Variants in GTF2IRD1 observed in about 807,000 individuals in gnomAD.
GTF2IRD1 encodes GTF2I repeat domain containing 1.
A neutral mutation model predicts 113.2 loss-of-function variants in GTF2IRD1; 26 were observed. That is an observed-to-expected ratio of 0.23 (90% CI 0.17 to 0.32). The LOEUF (loss-of-function observed/expected upper bound fraction) is 0.32, where lower values mean the gene tolerates loss of function less well. GTF2IRD1 is among the 10% of genes least tolerant of loss of function. GTF2IRD1 has a pLI of 1.00. For synonymous variants in GTF2IRD1, 484 were observed against 529.1 expected (o/e 0.91, Z 1.17); for missense variants, 864 against 1,280.8 (o/e 0.67, Z 4.97).
At chr7:74,544,907 C>T in intron 15 of GTF2IRD1, 105 bp downstream of exon 15, 2 of 826,236 alleles carry the variant, frequency 2.4e-6, no homozygotes, top group South Asian at 1.6e-5. Flanking sequence ...TTCTCTCCAC[C>T]TCATCTCTCT....
chr7:74,539,764 A>G (rs1313350667), intron 13 of GTF2IRD1, 115 bp from the exon 14 acceptor site: 4 of 643,978 alleles, frequency 6.2e-6, no homozygotes, highest in African/African-American at 1.9e-5. Flanking sequence ...AAAAAAAGAG[A>G]CAGAAAGAAA....
intron 22 of GTF2IRD1, among the ~76,000 whole-genome samples, chr7:74,575,930 G>T (rs1450966500): frequency 6.6e-6 from 1 of 151,868 alleles, no homozygotes; most frequent in East Asian, 1.9e-4. Flanking sequence ...CACTCTGGAA[G>T]GCTGAGACAG....
At chr7:74,514,317 C>G (rs928157153) in intron 3 of GTF2IRD1, among the ~76,000 whole-genome samples, 11 of 152,260 alleles carry the variant, frequency 7.2e-5, no homozygotes, top group East Asian at 3.9e-4. Flanking sequence ...CCCCCACCCC[C>G]CTCAGCCCTC....
At chr7:74,584,537 G>A (rs1801607637) in intron 22 of GTF2IRD1, among the ~76,000 whole-genome samples, 1 of 152,304 alleles carries the variant, frequency 6.6e-6, no homozygotes, top group South Asian at 2.1e-4. Flanking sequence ...AAAGTAAATA[G>A]AGTAGAGGAA....
rs1185957908 is a variant in GTF2IRD1 at position 74,544,742 on chromosome 7, T to C, written c.1619-13T>C. 7 of 1,613,288 alleles carry C rather than the reference T, an allele frequency of 4.3e-6. No homozygotes were observed. Among genetic ancestry groups the C allele is most frequent in the African/African-American group, 1.3e-5 (1 of 74,926 alleles). Reference sequence around the variant, plus strand: ...ATGAATGTGGCTTCCCGGCATCCTCTGTTCTCTTTTAGACAAAGGTCTGAG... The same window carrying C: ...ATGAATGTGGCTTCCCGGCATCCTCCGTTCTCTTTTAGACAAAGGTCTGAG... On this transcript the variant is annotated splice_polypyrimidine_tract_variant and intron_variant, in intron 14 of 26. Coordinates refer to ENST00000424337, the MANE Select transcript of GTF2IRD1 (RefSeq NM_005685.4).
intron 22 of GTF2IRD1, among the ~76,000 whole-genome samples, chr7:74,579,103 C>T (rs1440684532): frequency 6.6e-6 from 1 of 152,052 alleles, no homozygotes; most frequent in African/African-American, 2.4e-5. Context: ...GGAAGAATTG[C>T]TTGAAGCCAG....
rs1792773608 is a variant in GTF2IRD1, at chr7:74,454,025, C to T, written c.-158C>T. ...CGCGCCCCCTCCCCGCGCCTCCCTC[C>T]CCGCCCTCGCCGCGCCGCCGTCCTC... On this transcript the variant is annotated 5_prime_UTR_variant, in exon 1 of 27. Coordinates refer to ENST00000424337, the MANE Select transcript of GTF2IRD1 (RefSeq NM_005685.4). 6.7e-6 allele frequency: 1 copy of T among 149,798 alleles called. No homozygotes were observed. The highest frequency in any genetic ancestry group is 1.5e-5 in the Non-Finnish European group (1 of 66,964). 9.3% of individuals were successfully genotyped at this position (149,798 alleles called of 1,614,324 possible). A position where few individuals can be genotyped will look rare whatever the true frequency, so the allele number is the denominator to read the frequency against.
chr7:74,479,369 G>T (rs1584484046), intron 1 of GTF2IRD1, among the ~76,000 whole-genome samples: 2 of 66,574 alleles, frequency 3.0e-5, no homozygotes, highest in Admixed American at 3.7e-4. Flanking sequence ...CACTCCCACA[G>T]CCTCTGGCCC....
chr7:74,467,949 A>C (rs1488688854), intron 1 of GTF2IRD1, among the ~76,000 whole-genome samples: 1 of 152,084 alleles, frequency 6.6e-6, no homozygotes, highest in African/African-American at 2.4e-5. Flanking sequence ...CCTCTGGGCT[A>C]TTTAGACACA....
chr7:74,512,943 G>A lies in GTF2IRD1; in HGVS notation c.237G>A (p.Glu79=). The change falls in exon 3 of 27, where the codon GAG becomes GAA. Residue 79 remains glutamate (E), a synonymous_variant. Coordinates refer to ENST00000424337, the MANE Select transcript of GTF2IRD1 (RefSeq NM_005685.4). This position sits in a 1 kb window ranked among gnomAD's most constrained non-coding sequence, Gnocchi z 4.4. ...KGRMFLNARK[E]LQSDFLRFCR... ...GAATGTTCCTGAATGCCCGGAAGGA[G>A]CTACAGTCAGACTTCCTCAGGTTCT... is the stretch of plus-strand genomic sequence containing the variant. 5.0e-6 allele frequency: 8 copies of A among 1,614,070 alleles called. No homozygotes were observed. The highest frequency in any genetic ancestry group is 1.3e-5 in the African/African-American group (1 of 75,068).
chr7:74,575,171 C>T (rs966162181), intron 22 of GTF2IRD1, among the ~76,000 whole-genome samples: 24 of 152,182 alleles, frequency 1.6e-4, no homozygotes, highest in Non-Finnish European at 2.6e-4. Flanking sequence ...ATCTGCAAAG[C>T]GTAAACCATG....
At chr7:74,477,405 G>A (rs569718092) in intron 1 of GTF2IRD1, among the ~76,000 whole-genome samples, 54 of 151,310 alleles carry the variant, frequency 3.6e-4, no homozygotes, top group Admixed American at 6.6e-4. Flanking sequence ...GGCATTTGGG[G>A]TGGGACGGGG....
intron 22 of GTF2IRD1, among the ~76,000 whole-genome samples, chr7:74,567,184 T>C (rs2130839353): frequency 6.6e-6 from 1 of 151,884 alleles, no homozygotes; most frequent in East Asian, 1.9e-4. Flanking sequence ...AAAAATTCGC[T>C]GGGCATGGTG....
intron 1 of GTF2IRD1, among the ~76,000 whole-genome samples, chr7:74,486,370 C>T (rs900600416): frequency 2.0e-5 from 3 of 152,172 alleles, no homozygotes; most frequent in Non-Finnish European, 2.9e-5. Context: ...GAGGGGCCTG[C>T]GCCATCTCTC....
At chr7:74,524,924 G>C (rs1554346907) in intron 8 of GTF2IRD1, among the ~76,000 whole-genome samples, 2 of 152,122 alleles carry the variant, frequency 1.3e-5, no homozygotes, top group South Asian at 4.1e-4. Flanking sequence ...TGTGGTCTTA[G>C]CTACTTGCAG....
At chr7:74,484,635 T>A (rs918517935) in intron 1 of GTF2IRD1, among the ~76,000 whole-genome samples, 13 of 151,908 alleles carry the variant, frequency 8.6e-5, no homozygotes, top group Non-Finnish European at 1.3e-4. Context: ...ATTTTTGTAT[T>A]TTTAGTAGAG....
intron 1 of GTF2IRD1, among the ~76,000 whole-genome samples, chr7:74,454,524 T>C (rs1554326645): frequency 1.3e-5 from 2 of 151,982 alleles, no homozygotes; most frequent in East Asian, 3.9e-4. Flanking sequence ...TCAGTCGCGC[T>C]GCCCGCGGTG....
chr7:74,510,306 A>ATTG (rs1796548323), intron 2 of GTF2IRD1, among the ~76,000 whole-genome samples: 4 of 137,178 alleles, frequency 2.9e-5, no homozygotes, highest in African/African-American at 1.1e-4. Context: ...GCTATTTGCA[A>ATTG]TTTTTTTTTT....
intron 17 of GTF2IRD1, among the ~76,000 whole-genome samples, chr7:74,549,505 C>T (rs57210232): frequency 0.1 from 15,715 of 152,098 alleles, 2,544 homozygotes; most frequent in African/African-American, 0.35. Context: ...GGCTGCTGCT[C>T]CATGACACAC....
Sources: allele counts gnomAD v4.1 joint callset (sites outside exome capture counted in the v4.1 genomes callset), GRCh38; gene constraint gnomAD v4.1.1; non-coding constraint Gnocchi (gnomAD v3.1); transcripts MANE v1.5; gene names NCBI Gene and HGNC (gene_info 2026-07-23, HGNC 2026-07-21).